Variants in RPTOR observed in about 807,000 individuals in gnomAD.
RPTOR encodes regulatory associated protein of MTOR complex 1.
Under a neutral mutation model 169.9 loss-of-function variants are expected in RPTOR, and 21 were observed. The ratio of observed to expected loss-of-function variants is 0.12; its 90% CI spans 0.09 to 0.18. The LOEUF is 0.18. RPTOR is among the 10% of genes least tolerant of loss of function. The pLI, the probability that RPTOR is intolerant of heterozygous loss-of-function variation, is 1.00. For missense variants in RPTOR, 1,133 were observed against 1,855.9 expected (o/e 0.61, Z 7.16); for synonymous variants, 732 against 753.2 (o/e 0.97, Z 0.46).
At chr17:80,742,953 C>A (rs2066499541) in intron 5 of RPTOR, among the ~76,000 whole-genome samples, 1 of 152,122 alleles carries the variant, frequency 6.6e-6, no homozygotes, top group Non-Finnish European at 1.5e-5. Flanking sequence ...TACACACACA[C>A]ACACACAGCT....
chr17:80,864,993 G>C (rs1258970909), intron 13 of RPTOR, among the ~76,000 whole-genome samples: 1 of 152,166 alleles, frequency 6.6e-6, no homozygotes, highest in African/African-American at 2.4e-5. Context: ...GCACCCCACA[G>C]AATGTATAAC....
At position 80,964,678 on chromosome 17, in the gene RPTOR, T is replaced by C. The variant is rs1286949775; in HGVS notation, c.*348T>C. 1 of 327,588 alleles carries C rather than the reference T, an allele frequency of 3.1e-6. No individual in the cohort carries two copies. Among genetic ancestry groups the C allele is most frequent in the Non-Finnish European group, 5.7e-6 (1 of 174,134 alleles). The allele number at this position is 327,588 out of a possible 1,614,324, so 20.3% of individuals were successfully genotyped here. ...ACTTTATTTCCATGTAATCAGAGCA[T>C]TAGCTGCAGAAAAACCCCCCGACAG... On this transcript the variant is annotated 3_prime_UTR_variant, in exon 34 of 34. Transcript: ENST00000306801.
chr17:80,657,303 A>C (rs925353788), intron 3 of RPTOR, among the ~76,000 whole-genome samples: 46 of 152,106 alleles, frequency 3.0e-4, no homozygotes, highest in Non-Finnish European at 1.5e-5. Flanking sequence ...TTGCAAGGTA[A>C]ACCTTGGAGA....
intron 1 of RPTOR, among the ~76,000 whole-genome samples, chr17:80,624,982 C>G (rs909338782): frequency 6.6e-5 from 10 of 152,102 alleles, no homozygotes; most frequent in African/African-American, 2.4e-4. Flanking sequence ...TGAGGGGTAT[C>G]CAGAGAAGGC....
intron 17 of RPTOR, among the ~76,000 whole-genome samples, chr17:80,885,703 G>C (rs932943214): frequency 6.6e-6 from 1 of 151,946 alleles, no homozygotes; most frequent in Non-Finnish European, 1.5e-5. Flanking sequence ...CACCACACTC[G>C]GCTAATTTTT....
intron 6 of RPTOR, among the ~76,000 whole-genome samples, chr17:80,760,161 G>A (rs1376223960): frequency 1.3e-5 from 2 of 152,090 alleles, no homozygotes; most frequent in Non-Finnish European, 2.9e-5. Flanking sequence ...CGGCAGACCT[G>A]GTTCTGTGAA....
chr17:80,815,432 C>T (rs1425423816), intron 7 of RPTOR, among the ~76,000 whole-genome samples: 4 of 152,252 alleles, frequency 2.6e-5, no homozygotes, highest in Admixed American at 1.3e-4. Context: ...AGTCCCTGTG[C>T]GTACCAGCTG....
chr17:80,621,785 G>A (rs34019285), intron 1 of RPTOR, among the ~76,000 whole-genome samples: 28,156 of 152,218 alleles, frequency 0.18, 3,010 homozygotes, highest in East Asian at 0.28. Flanking sequence ...TGAATTTCCC[G>A]GGGGCAAGAA....
intron 4 of RPTOR, among the ~76,000 whole-genome samples, chr17:80,710,740 C>A: frequency 6.6e-6 from 1 of 152,166 alleles, no homozygotes; most frequent in Middle Eastern, 3.2e-3. Context: ...CTGTTTCATG[C>A]ATGGCTTATT....
chr17:80,900,377 G>T (rs1236247373), intron 20 of RPTOR, among the ~76,000 whole-genome samples: 5 of 152,034 alleles, frequency 3.3e-5, no homozygotes, highest in Admixed American at 1.3e-4. Flanking sequence ...TCCAGCTAGG[G>T]TTTAATGGCG....
intron 1 of RPTOR, among the ~76,000 whole-genome samples, chr17:80,564,066 CTT>C (rs59934984): frequency 7.6e-5 from 11 of 144,320 alleles, no homozygotes; most frequent in East Asian, 2.0e-4. Flanking sequence ...CATGTCTTTT[CTT>C]TTTTTTTTTT....
In RPTOR at chr17:80,957,844, G is replaced by C; in HGVS notation, c.3477+114G>C. ...GTGAGGCCTGGCCATCCCAGGGGTG[G>C]AGTCAGGGCCTGGGAGGACAGTGCC... is the stretch of plus-strand genomic sequence containing the variant. On this transcript the variant is annotated intron_variant, in intron 29 of 33. Coordinates refer to ENST00000306801, the MANE Select transcript of RPTOR (RefSeq NM_020761.3). This position sits in a 1 kb window ranked among gnomAD's most constrained non-coding sequence, Gnocchi z 4.6. 1 of 929,134 alleles carries C rather than the reference G, an allele frequency of 1.1e-6. No individual in the cohort carries two copies. Among genetic ancestry groups the C allele is most frequent in the Non-Finnish European group, 1.7e-6 (1 of 590,196 alleles). 57.6% of individuals were successfully genotyped at this position (929,134 alleles called of 1,614,324 possible).
chr17:80,910,558 T>C (rs760801343), intron 21 of RPTOR, among the ~76,000 whole-genome samples: 2 of 152,140 alleles, frequency 1.3e-5, no homozygotes, highest in Non-Finnish European at 2.9e-5. Flanking sequence ...TGGCGTTGCC[T>C]CGGGTATCAC....
At chr17:80,906,534 C>T (rs924637267) in intron 20 of RPTOR, among the ~76,000 whole-genome samples, 2 of 152,216 alleles carry the variant, frequency 1.3e-5, no homozygotes, top group African/African-American at 2.4e-5. Context: ...ACTGCCTCCT[C>T]CTGGGCACAA....
intron 28 of RPTOR, among the ~76,000 whole-genome samples, chr17:80,955,312 G>C (rs1372204180): frequency 6.6e-6 from 1 of 152,232 alleles, no homozygotes; most frequent in Admixed American, 6.5e-5. Flanking sequence ...CAAGTGGCAG[G>C]GTACCTCTGC....
intron 7 of RPTOR, among the ~76,000 whole-genome samples, chr17:80,809,729 C>T (rs1373387390): frequency 6.6e-6 from 1 of 152,088 alleles, no homozygotes; most frequent in Non-Finnish European, 1.5e-5. Context: ...AAGTCTGTGG[C>T]TTGTGTTTTT....
chr17:80,961,248 A>G (rs2069335922), intron 30 of RPTOR, 146 bp from the exon 31 acceptor site: 2 of 676,674 alleles, frequency 3.0e-6, no homozygotes, highest in Non-Finnish European at 4.9e-6. Flanking sequence ...ACCCTGCGTG[A>G]GCACTAGCCC....
chr17:80,854,313 G>A (rs2067828581), intron 11 of RPTOR, among the ~76,000 whole-genome samples: 1 of 152,232 alleles, frequency 6.6e-6, no homozygotes, highest in African/African-American at 2.4e-5. Flanking sequence ...GGCAGGTGTT[G>A]TGTTATATGT....
At chr17:80,668,867 A>G (rs1283555405) in intron 3 of RPTOR, among the ~76,000 whole-genome samples, 3 of 152,252 alleles carry the variant, frequency 2.0e-5, no homozygotes, top group African/African-American at 7.2e-5. Flanking sequence ...ATTTCAGAGA[A>G]GAACAACTGT....
Sources: allele counts gnomAD v4.1 joint callset (sites outside exome capture counted in the v4.1 genomes callset), GRCh38; gene constraint gnomAD v4.1.1; non-coding constraint Gnocchi (gnomAD v3.1); transcripts MANE v1.5; gene names NCBI Gene and HGNC (gene_info 2026-07-23, HGNC 2026-07-21).